DCC: variants seen among roughly 807,000 people sequenced by gnomAD.
The protein encoded by DCC is DCC netrin 1 receptor.
In DCC, 58 loss-of-function variants were observed where a neutral mutation model predicts 172.5. That is an observed-to-expected ratio of 0.34 (90% CI 0.27 to 0.42). The LOEUF is 0.42. DCC is among the 10% of genes least tolerant of loss of function. DCC has a pLI of 1.00. For missense variants in DCC, 1,740 were observed against 1,791.0 expected, an observed-to-expected ratio of 0.97 and a Z score of 0.51; for synonymous variants, 709 against 644.5, an observed-to-expected ratio of 1.10 and a Z score of -1.52.
At chr18:52,548,937 T>C (rs951903327) in intron 1 of DCC, among the ~76,000 whole-genome samples, 1 of 152,134 alleles carries the variant, frequency 6.6e-6, no homozygotes, top group African/African-American at 2.4e-5. Flanking sequence ...TCTTCACAGA[T>C]TTGACTATAC....
chr18:53,324,944 T>C (rs2057450562), intron 14 of DCC, among the ~76,000 whole-genome samples: 1 of 151,870 alleles, frequency 6.6e-6, no homozygotes, highest in African/African-American at 2.4e-5. Context: ...GAGCTCAAAA[T>C]TAGGTTTTGA....
chr18:53,284,469 C>A (rs1017565508), intron 12 of DCC, among the ~76,000 whole-genome samples: 2 of 152,168 alleles, frequency 1.3e-5, no homozygotes, highest in Non-Finnish European at 2.9e-5. Context: ...CACAAGTTCT[C>A]TTCTCTTGTC....
At chr18:52,907,332 GGA>G (rs2039902086) in intron 3 of DCC, among the ~76,000 whole-genome samples, 29 of 135,536 alleles carry the variant, frequency 2.1e-4, no homozygotes, top group African/African-American at 5.5e-5. Flanking sequence ...ATATCCATAT[GGA>G]TATATACATA....
intron 1 of DCC, among the ~76,000 whole-genome samples, chr18:52,432,030 C>G (rs1987641640): frequency 6.6e-6 from 1 of 152,160 alleles, no homozygotes; most frequent in Non-Finnish European, 1.5e-5. Flanking sequence ...TATTTTATCT[C>G]TAGCACACAC....
chr18:52,614,684 C>T (rs768650963), intron 1 of DCC, among the ~76,000 whole-genome samples: 18 of 151,940 alleles, frequency 1.2e-4, no homozygotes, highest in Admixed American at 1.2e-3. Flanking sequence ...AAGCATTTTC[C>T]CTGTCAATAA....
At chr18:53,197,419 G>GT (rs11427253) in intron 9 of DCC, among the ~76,000 whole-genome samples, 56,288 of 119,414 alleles carry the variant, frequency 0.47, 13,958 homozygotes, top group East Asian at 0.79. Context: ...TTTTATTTTA[G>GT]TTTTTTTTTT....
At chr18:53,227,975 A>G (rs1289770420) in intron 12 of DCC, among the ~76,000 whole-genome samples, 1 of 152,184 alleles carries the variant, frequency 6.6e-6, no homozygotes, top group Non-Finnish European at 1.5e-5. Flanking sequence ...ACTTTAAACA[A>G]AATTGATATC....
intron 27 of DCC, among the ~76,000 whole-genome samples, chr18:53,519,667 C>CTT (rs1214811924): frequency 2.0e-5 from 3 of 151,578 alleles, no homozygotes; most frequent in Admixed American, 6.6e-5. Flanking sequence ...TTTATTTTTC[C>CTT]TTTGACATAT....
intron 7 of DCC, among the ~76,000 whole-genome samples, chr18:53,088,417 T>A (rs2042951146): frequency 6.6e-6 from 1 of 152,164 alleles, no homozygotes; most frequent in Non-Finnish European, 1.5e-5. Context: ...CTATTATTGG[T>A]GTATAAGAAT....
At chr18:53,406,290 T>G (rs1465038711) in intron 19 of DCC, among the ~76,000 whole-genome samples, 4 of 152,154 alleles carry the variant, frequency 2.6e-5, no homozygotes, top group African/African-American at 9.7e-5. Flanking sequence ...CTTCTCAGTC[T>G]GATTTGCAGA....
At chr18:53,118,360 C>T (rs1456975459) in intron 7 of DCC, among the ~76,000 whole-genome samples, 1 of 151,714 alleles carries the variant, frequency 6.6e-6, no homozygotes, top group African/African-American at 2.4e-5. Context: ...GTATATAAAG[C>T]ATGTAGTTTT....
At chr18:53,118,675 C>A (rs143326841) in intron 7 of DCC, among the ~76,000 whole-genome samples, 1 of 151,614 alleles carries the variant, frequency 6.6e-6, no homozygotes, top group Non-Finnish European at 1.5e-5. Context: ...ACAGGCAATG[C>A]GCTAAACACT....
At chr18:53,142,511 C>T (rs1411169059) in intron 7 of DCC, among the ~76,000 whole-genome samples, 1 of 152,128 alleles carries the variant, frequency 6.6e-6, no homozygotes, top group Non-Finnish European at 1.5e-5. Flanking sequence ...ATGGAGTCTA[C>T]TCTTTTTTAG....
At chr18:52,432,201 G>C (rs988822525) in intron 1 of DCC, among the ~76,000 whole-genome samples, 1 of 152,078 alleles carries the variant, frequency 6.6e-6, no homozygotes, top group African/African-American at 2.4e-5. Flanking sequence ...CGTGTTGCAC[G>C]TGTCTTGTTG....
At chr18:53,525,402 A>G (rs1487321865) in intron 27 of DCC, among the ~76,000 whole-genome samples, 1 of 152,106 alleles carries the variant, frequency 6.6e-6, no homozygotes, top group Non-Finnish European at 1.5e-5. Flanking sequence ...CTTTTATGAT[A>G]AATCACTCAA....
chr18:53,186,583 G>A (rs2055285381), intron 9 of DCC, among the ~76,000 whole-genome samples: 1 of 152,154 alleles, frequency 6.6e-6, no homozygotes, highest in East Asian at 1.9e-4. Context: ...CATGTGTATT[G>A]AAGCACTCCC....
intron 12 of DCC, among the ~76,000 whole-genome samples, chr18:53,223,249 G>A (rs1198208897): frequency 6.6e-6 from 1 of 152,032 alleles, no homozygotes; most frequent in Middle Eastern, 3.2e-3. Context: ...TTTTGAGAAT[G>A]TTATATTTTT....
intron 1 of DCC, among the ~76,000 whole-genome samples, chr18:52,362,498 A>G (rs137901791): frequency 1.3e-5 from 2 of 152,228 alleles, no homozygotes; most frequent in African/African-American, 4.8e-5. Context: ...GTAATCTTTC[A>G]TAAGTTTGTA....
intron 2 of DCC, among the ~76,000 whole-genome samples, chr18:52,758,180 A>C (rs2145143813): frequency 6.6e-6 from 1 of 152,318 alleles, no homozygotes. Context: ...CAATAGTGAC[A>C]CATGACAAAT....
Sources: allele counts gnomAD v4.1 joint callset (sites outside exome capture counted in the v4.1 genomes callset), GRCh38; gene constraint gnomAD v4.1.1; transcripts MANE v1.5; gene names NCBI Gene and HGNC (gene_info 2026-07-23, HGNC 2026-07-21).